Variants in PSMB9 observed in about 807,000 individuals in gnomAD.
PSMB9 encodes proteasome subunit beta type-9.
Under a neutral mutation model 26.9 loss-of-function variants are expected in PSMB9, and 16 were observed. That is an observed-to-expected ratio of 0.59 (90% confidence interval 0.40 to 0.90). The LOEUF is 0.90. Ranked by LOEUF, PSMB9 falls within the 40% of genes least tolerant of loss-of-function variation. PSMB9 has a pLI of 0.00. For synonymous variants in PSMB9, 91 were observed against 112.0 expected (o/e 0.81, Z 1.18); for missense variants, 253 against 292.2 (o/e 0.87, Z 0.98).
chr6:32,854,606 T>G lies in PSMB9; in HGVS notation c.60+317T>G, dbSNP rs532322638. Among the ~76,000 whole-genome samples, 1 of 149,092 alleles carries G rather than the reference T, an allele frequency of 6.7e-6. No individual in the cohort carries two copies. The highest frequency in any genetic ancestry group is 2.5e-5 in the African/African-American group (1 of 40,236). ...CACTCTGGTCCCGGACAGTGGGGGC[T>G]GGTTAAATCAAGAAAGGGGGTTGGG... is the stretch of plus-strand genomic sequence containing the variant. On this transcript the variant is annotated intron_variant, in intron 1 of 5. Coordinates refer to ENST00000374859, the MANE Select transcript of PSMB9 (RefSeq NM_002800.5). The surrounding 1 kb of genome is among the most constrained non-coding windows in gnomAD (Gnocchi z 4.6).
chr6:32,854,519 C>G lies in PSMB9; in HGVS notation c.60+230C>G, dbSNP rs1351382. Among the ~76,000 whole-genome samples the G allele has an allele frequency of 0.43, 64,695 of 151,700 alleles. 13,951 individuals are homozygous for G. The highest frequency in any genetic ancestry group is 0.51 in the Middle Eastern group (151 of 294). On this transcript the variant is annotated intron_variant, in intron 1 of 5. Coordinates refer to ENST00000374859, the MANE Select transcript of PSMB9 (RefSeq NM_002800.5). The surrounding 1 kb of genome is among the most constrained non-coding windows in gnomAD (Gnocchi z 4.6). ...AGGCACGCGAGGCTGGTGGAAAAAG[C>G]GGGTGCTTTGACTCTTAGCTGGAAG...
At position 32,856,232 on chromosome 6, in the gene PSMB9, T is replaced by G. The variant is rs55634459; in HGVS notation, c.128+27T>G. On this transcript the variant is annotated intron_variant, in intron 2 of 5. Coordinates refer to ENST00000374859, the MANE Select transcript of PSMB9 (RefSeq NM_002800.5). ...TGAGTAAAAGTGAAGATGTATGCAT[T>G]TGGAAAGAAGCTAATGGCCTCAAAT... 190 of 1,601,092 alleles carry G rather than the reference T, an allele frequency of 1.2e-4. 1 individual carries two copies. In the East Asian group the frequency reaches 4.2e-3, roughly 36 times the overall value.
rs2127400711 is a variant in PSMB9, at chr6:32,859,548, C to G, written c.*16C>G. 2 of 1,611,660 alleles carry G rather than the reference C, an allele frequency of 1.2e-6. No individual in the cohort carries two copies. The highest frequency in any genetic ancestry group is 1.7e-6 in the Non-Finnish European group (2 of 1,179,056). On this transcript the variant is annotated 3_prime_UTR_variant, in exon 6 of 6. Transcript: ENST00000374859. ...TGATGAGTGAACCTTCCCCAGACTT[C>G]TCTTTCTTATTTTGTAATAAACTCT...
In PSMB9 at chr6:32,858,249, T is replaced by C; in HGVS notation, c.390+115T>C. The C allele has an allele frequency of 6.3e-7, 1 of 1,593,970 alleles. No homozygotes were observed. On this transcript the variant is annotated intron_variant, in intron 4 of 5. Coordinates refer to ENST00000374859, the MANE Select transcript of PSMB9 (RefSeq NM_002800.5). This position sits in a 1 kb window ranked among gnomAD's most constrained non-coding sequence, Gnocchi z 5.2. ...TCCAAGGACACTACCTCTGAAAGCA[T>C]AGTACTTTGGGGATATGAGATACCA...
In PSMB9 at chr6:32,859,676, C is replaced by T. The variant is rs1771369275; in HGVS notation, c.*144C>T. The T allele has an allele frequency of 1.1e-6, 1 of 946,120 alleles. No individual in the cohort carries two copies. The highest frequency in any genetic ancestry group is 1.7e-5 in the African/African-American group (1 of 60,128). The allele number at this position is 946,120 out of a possible 1,614,324, so 58.6% of individuals were successfully genotyped here. A position where few individuals can be genotyped will look rare whatever the true frequency, so the allele number is the denominator to read the frequency against. The stretch of plus-strand genomic sequence containing the variant: ...TCCTAGATGTCAGCATACACTCTTT[C>T]TTCTTTTGTCCCAGGTCTAAAACAT... On this transcript the variant is annotated 3_prime_UTR_variant, in exon 6 of 6. Coordinates refer to ENST00000374859, the MANE Select transcript of PSMB9 (RefSeq NM_002800.5).
chr6:32,856,071 T>C, intron 1 of PSMB9, 67 bp from the exon 2 acceptor site: 1 of 1,439,036 alleles, frequency 6.9e-7, no homozygotes, highest in Non-Finnish European at 9.7e-7. Context: ...GGAATGTTTC[T>C]TCTTCTCTAA....
chr6:32,856,307 G>T, intron 2 of PSMB9, 102 bp downstream of exon 2: 1 of 1,227,772 alleles, frequency 8.1e-7, no homozygotes, highest in Non-Finnish European at 1.2e-6. Context: ...TGGAGCCTTG[G>T]AGGAATGGAG....
Position 32,858,809 on chromosome 6 carries a change from A to T in PSMB9, c.532+304A>T. ...CAACAATTTGGGAGGCTGAGGCAGG[A>T]GGATTACTTGAGCCCAGGAGTTTGA... On this transcript the variant is annotated intron_variant, in intron 5 of 5. Coordinates refer to ENST00000374859, the MANE Select transcript of PSMB9 (RefSeq NM_002800.5). This position sits in a 1 kb window ranked among gnomAD's most constrained non-coding sequence, Gnocchi z 5.2. 1 of 468,504 alleles carries T rather than the reference A, an allele frequency of 2.1e-6. No homozygotes were observed. The highest frequency in any genetic ancestry group is 3.9e-6 in the Non-Finnish European group (1 of 256,812). 29.0% of individuals were successfully genotyped at this position (468,504 alleles called of 1,614,324 possible). A position where few individuals can be genotyped will look rare whatever the true frequency, so the allele number is the denominator to read the frequency against.
intron 2 of PSMB9, chr6:32,856,602 T>C (rs772887340): frequency 2.8e-5 from 5 of 178,358 alleles, no homozygotes; most frequent in Admixed American, 5.8e-5. Context: ...CTAACCAATT[T>C]CCTCACATGC....
chr6:32,858,553 G>A lies in PSMB9; in HGVS notation c.532+48G>A, dbSNP rs750589822. 2.0e-5 allele frequency: 32 copies of A among 1,611,204 alleles called. No individual in the cohort carries two copies. Among genetic ancestry groups the A allele is most frequent in the Non-Finnish European group, 2.7e-5 (32 of 1,179,346 alleles). ...ACCTGGGGAGGGCTTTGAAACATGG[G>A]AAGGAAGTAGATTATGAGGAACAGG... On this transcript the variant is annotated intron_variant, in intron 5 of 5. Coordinates refer to ENST00000374859, the MANE Select transcript of PSMB9 (RefSeq NM_002800.5). This position sits in a 1 kb window ranked among gnomAD's most constrained non-coding sequence, Gnocchi z 5.2.
intron 2 of PSMB9, 39 bp from the exon 3 acceptor site, chr6:32,857,223 CT>C: frequency 7.3e-7 from 1 of 1,364,046 alleles, no homozygotes; most frequent in Non-Finnish European, 9.9e-7. Context: ...AAAAAAAAAC[CT>C]GAGTTTTAAC....
In PSMB9 at chr6:32,859,578, G is replaced by C. The variant is rs1269405472; in HGVS notation, c.*46G>C. 13 of 1,592,604 alleles carry C rather than the reference G, an allele frequency of 8.2e-6. No individual in the cohort carries two copies. Among genetic ancestry groups the C allele is most frequent in the Non-Finnish European group, 1.1e-5 (13 of 1,167,102 alleles). ...TCTTATTTTGTAATAAACTCTCTAG[G>C]GCCAAAACCTGGTATGGTCATTGGG... On this transcript the variant is annotated 3_prime_UTR_variant, in exon 6 of 6. Coordinates refer to ENST00000374859, the MANE Select transcript of PSMB9 (RefSeq NM_002800.5).
At position 32,854,911 on chromosome 6, in the gene PSMB9, G is replaced by T. The variant is rs1771082479; in HGVS notation, c.60+622G>T. Among the ~76,000 whole-genome samples the T allele has an allele frequency of 6.6e-6, 1 of 152,158 alleles. No homozygotes were observed. Among genetic ancestry groups the T allele is most frequent in the Admixed American group, 6.5e-5 (1 of 15,280 alleles). On this transcript the variant is annotated intron_variant, in intron 1 of 5. Coordinates refer to ENST00000374859, the MANE Select transcript of PSMB9 (RefSeq NM_002800.5). The surrounding 1 kb of genome is among the most constrained non-coding windows in gnomAD (Gnocchi z 4.6). Reference sequence around the variant, plus strand: ...CCCACTCCCATGTGCCCACTGGGGGGACTTTGCTTAGGATGGGCGCCTGGG... The same window carrying T: ...CCCACTCCCATGTGCCCACTGGGGGTACTTTGCTTAGGATGGGCGCCTGGG...
Position 32,858,544 on chromosome 6 carries a change from G to T in PSMB9, c.532+39G>T, listed in dbSNP as rs2127399625. 6.2e-7 allele frequency: 1 copy of T among 1,612,346 alleles called. No homozygotes were observed. The highest frequency in any genetic ancestry group is 8.5e-7 in the Non-Finnish European group (1 of 1,179,922). On this transcript the variant is annotated intron_variant, in intron 5 of 5. Transcript: ENST00000374859. The surrounding 1 kb of genome is among the most constrained non-coding windows in gnomAD (Gnocchi z 5.2). ...TGGAAGGGTACCTGGGGAGGGCTTT[G>T]AAACATGGGAAGGAAGTAGATTATG...
At chr6:32,859,317 G>C in intron 5 of PSMB9, 88 bp from the exon 6 acceptor site, 1 of 1,418,870 alleles carries the variant, frequency 7.0e-7, no homozygotes, top group Non-Finnish European at 9.4e-7. Context: ...GAAAGTGGTA[G>C]TAGGCATATG....
intron 1 of PSMB9, among the ~76,000 whole-genome samples, chr6:32,855,630 G>A (rs1301387185): frequency 6.6e-6 from 1 of 151,494 alleles, no homozygotes; most frequent in East Asian, 1.9e-4. Context: ...TTTTTCCAAT[G>A]TTCAGTAAAT....
At position 32,858,216 on chromosome 6, in the gene PSMB9, C is replaced by A. The variant is rs1337057064; in HGVS notation, c.390+82C>A. Reference sequence around the variant, plus strand: ...AGATGGAAGTCCTATGTCATTCTAGCAATGAGTTCCAAGGACACTACCTCT... The same window carrying A: ...AGATGGAAGTCCTATGTCATTCTAGAAATGAGTTCCAAGGACACTACCTCT... On this transcript the variant is annotated intron_variant, in intron 4 of 5. Transcript: ENST00000374859. The surrounding 1 kb of genome is among the most constrained non-coding windows in gnomAD (Gnocchi z 5.2). 1 of 1,597,204 alleles carries A rather than the reference C, an allele frequency of 6.3e-7. No homozygotes were observed. The highest frequency in any genetic ancestry group is 1.3e-5 in the African/African-American group (1 of 74,574).
intron 1 of PSMB9, among the ~76,000 whole-genome samples, chr6:32,855,719 G>A (rs1378619835): frequency 1.3e-5 from 2 of 151,782 alleles, no homozygotes; most frequent in African/African-American, 4.8e-5. Flanking sequence ...GACTGACCTT[G>A]TTTCCCAAGA....
chr6:32,857,804 T>C lies in PSMB9; in HGVS notation c.261-201T>C. The C allele has an allele frequency of 2.1e-5, 13 of 633,178 alleles. No homozygotes were observed. In the South Asian group the frequency reaches 2.5e-4, roughly 12 times the overall value. The allele number at this position is 633,178 out of a possible 1,614,324, so 39.2% of individuals were successfully genotyped here. ...CAAAAGAAAGTTATGTGGGTGGGGCTGAGCAAAAGAGTGAGCAATTGAAAG... is the reference window on the plus strand; with the variant it reads ...CAAAAGAAAGTTATGTGGGTGGGGCCGAGCAAAAGAGTGAGCAATTGAAAG... On this transcript the variant is annotated intron_variant, in intron 3 of 5. Coordinates refer to ENST00000374859, the MANE Select transcript of PSMB9 (RefSeq NM_002800.5).
Sources: allele counts gnomAD v4.1 joint callset (sites outside exome capture counted in the v4.1 genomes callset), GRCh38; gene constraint gnomAD v4.1.1; non-coding constraint Gnocchi (gnomAD v3.1); transcripts MANE v1.5; gene names NCBI Gene and HGNC (gene_info 2026-07-23, HGNC 2026-07-21).